Variants in ANKFN1 observed in about 807,000 individuals in gnomAD.
The protein encoded by ANKFN1 is ankyrin repeat and fibronectin type-III domain-containing protein 1.
A neutral mutation model predicts 108.7 loss-of-function variants in ANKFN1; 74 were observed. That is an observed-to-expected ratio of 0.68 (90% CI 0.56 to 0.83). The LOEUF (loss-of-function observed/expected upper bound fraction) is 0.83. ANKFN1 is among the 40% of genes least tolerant of loss of function. The probability of loss-of-function intolerance (pLI) is 0.00; values close to 1 mark genes in which losing one functional copy is unlikely to be tolerated. For synonymous variants in ANKFN1, 547 were observed against 516.2 expected (o/e 1.06, Z -0.81); for missense variants, 1,505 against 1,382.3 (o/e 1.09, Z -1.41).
chr17:56,317,146 CT>C (rs567343708), intron 3 of ANKFN1, among the ~76,000 whole-genome samples: 17 of 152,204 alleles, frequency 1.1e-4, no homozygotes, highest in Admixed American at 1.1e-3. Context: ...GTTAAGTGCT[CT>C]ATGGCTTCTT....
intron 3 of ANKFN1, 60 bp downstream of exon 3, chr17:56,228,017 C>T: frequency 1.4e-6 from 2 of 1,447,372 alleles, no homozygotes; most frequent in Non-Finnish European, 1.9e-6. Flanking sequence ...CTAAAGCCTC[C>T]TAATCTTTAA....
At chr17:56,179,835 G>A (rs1033467640) in intron 1 of ANKFN1, among the ~76,000 whole-genome samples, 2 of 152,180 alleles carry the variant, frequency 1.3e-5, no homozygotes, top group African/African-American at 2.4e-5. Flanking sequence ...GCCTAATAAA[G>A]CATTCCTTCC....
intron 9 of ANKFN1, among the ~76,000 whole-genome samples, chr17:56,441,777 T>C (rs1018390966): frequency 6.6e-6 from 1 of 152,332 alleles, no homozygotes; most frequent in African/African-American, 2.4e-5. Context: ...GGAGTAGATT[T>C]ATACTTTACA....
intron 8 of ANKFN1, among the ~76,000 whole-genome samples, chr17:56,394,579 C>A (rs2047525832): frequency 6.6e-6 from 1 of 152,146 alleles, no homozygotes; most frequent in South Asian, 2.1e-4. Flanking sequence ...GCCATCCCCA[C>A]CATCCCTACC....
At chr17:56,152,262 A>ATGTGTGTGTGTG (rs200366444), upstream of ANKFN1, among the ~76,000 whole-genome samples, 49 of 77,828 alleles carry the variant, frequency 6.3e-4, 1 homozygote, top group Middle Eastern at 7.2e-3. Context: ...ATATATATAT[A>ATGTGTGTGTGTG]TGTGTGTGTG....
intron 3 of ANKFN1, chr17:56,323,231 T>C (rs11079218): frequency 0.15 from 22,047 of 151,112 alleles, 2,139 homozygotes; most frequent in East Asian, 0.41. Context: ...GGGGGAGGAG[T>C]AGAAGGAAAG....
rs577205756 is a variant in ANKFN1 at position 56,472,457 on chromosome 17, G to A, written c.1774-5031G>A. 3 of 152,266 alleles carry A rather than the reference G, an allele frequency of 2.0e-5. No individual in the cohort carries two copies. In the East Asian group the frequency reaches 5.8e-4, roughly 29 times the overall value. 9.4% of individuals were successfully genotyped at this position (152,266 alleles called of 1,614,324 possible). The stretch of plus-strand genomic sequence containing the variant: ...AGGATCTCTGATCAATGACGAGAAG[G>A]TGGATATACCCTTCCTAGTCACTGT... On this transcript the variant is annotated intron_variant, in intron 15 of 20. Coordinates refer to ENST00000682825, the MANE Select transcript of ANKFN1 (RefSeq NM_001370326.1).
At chr17:56,231,176 C>G (rs975955398) in intron 3 of ANKFN1, among the ~76,000 whole-genome samples, 1 of 152,078 alleles carries the variant, frequency 6.6e-6, no homozygotes, top group African/African-American at 2.4e-5. Context: ...CTGTATTCAA[C>G]AAGCCTAGAG....
intron 3 of ANKFN1, among the ~76,000 whole-genome samples, chr17:56,317,238 G>GTGTTT (rs1159706481): frequency 1.3e-5 from 2 of 152,058 alleles, no homozygotes; most frequent in Non-Finnish European, 2.9e-5. Context: ...AAAACTGAAG[G>GTGTTT]TGTTTTTAAA....
chr17:56,244,875 GA>G (rs1192485215), intron 3 of ANKFN1, among the ~76,000 whole-genome samples: 1 of 152,098 alleles, frequency 6.6e-6, no homozygotes, highest in Non-Finnish European at 1.5e-5. Context: ...GTATCACTCA[GA>G]TGGCCATTTT....
At chr17:56,275,158 A>T (rs1295441104) in intron 3 of ANKFN1, among the ~76,000 whole-genome samples, 2 of 152,168 alleles carry the variant, frequency 1.3e-5, no homozygotes, top group East Asian at 3.8e-4. Flanking sequence ...GGTTGCTTCC[A>T]ATTCCAGATC....
At chr17:56,344,300 C>G (rs934905300) in intron 4 of ANKFN1, among the ~76,000 whole-genome samples, 1 of 151,978 alleles carries the variant, frequency 6.6e-6, no homozygotes, top group African/African-American at 2.4e-5. Context: ...ACTGAAGTTG[C>G]TACTTGGTTA....
intron 4 of ANKFN1, among the ~76,000 whole-genome samples, chr17:56,135,357 A>G (rs1006693054): frequency 2.0e-5 from 3 of 152,168 alleles, no homozygotes; most frequent in Non-Finnish European, 4.4e-5. Context: ...GCCCCAAGTC[A>G]ATAGATCTGG....
chr17:56,167,261 GTATATATATATACA>G (rs1202222212), intron 1 of ANKFN1, among the ~76,000 whole-genome samples: 36 of 74,730 alleles, frequency 4.8e-4, no homozygotes, highest in Non-Finnish European at 8.7e-4. Flanking sequence ...GTATGTGTGT[GTATATATATATACA>G]TATATATATA....
At chr17:56,266,212 T>G (rs2043646823) in intron 3 of ANKFN1, among the ~76,000 whole-genome samples, 1 of 152,204 alleles carries the variant, frequency 6.6e-6, no homozygotes, top group Non-Finnish European at 1.5e-5. Flanking sequence ...AATTTCTTAT[T>G]TGGGGCCTCA....
chr17:56,310,919 A>C (rs145250134), intron 3 of ANKFN1, among the ~76,000 whole-genome samples: 1 of 151,764 alleles, frequency 6.6e-6, no homozygotes. Context: ...ACGTCTCCCC[A>C]TTTCCTCCCC....
intron 1 of ANKFN1, among the ~76,000 whole-genome samples, chr17:56,209,249 T>A (rs1032284882): frequency 6.6e-6 from 1 of 152,172 alleles, no homozygotes; most frequent in Non-Finnish European, 1.5e-5. Flanking sequence ...TTTACCCTAG[T>A]GCTCTTATCC....
At position 56,350,809 on chromosome 17, in the gene ANKFN1, C is replaced by T. The variant is rs892200206; in HGVS notation, c.232C>T (p.Leu78Phe). The T allele has an allele frequency of 5.6e-6, 9 of 1,613,792 alleles. No homozygotes were observed. The highest frequency in any genetic ancestry group is 7.6e-6 in the Non-Finnish European group (9 of 1,179,840). The change falls in exon 5 of 21, where the codon CTC (leucine) becomes TTC (phenylalanine). Residue 78 changes from leucine to phenylalanine, a missense_variant. Coordinates refer to ENST00000682825, the MANE Select transcript of ANKFN1 (RefSeq NM_001370326.1). Reference protein sequence around the residue: ...KMTQQMQNLHLCQSKKHSAPS... With the variant: ...KMTQQMQNLHFCQSKKHSAPS... The stretch of plus-strand genomic sequence containing the variant: ...GACGCAACAAATGCAAAATTTACAT[C>T]TCTGTCAGTCAAAAAAACATAGTGC...
At chr17:56,214,485 TA>T (rs935247983) in intron 2 of ANKFN1, among the ~76,000 whole-genome samples, 31 of 152,200 alleles carry the variant, frequency 2.0e-4, no homozygotes, top group African/African-American at 7.5e-4. Context: ...TTTCTTGTAT[TA>T]AAAAATGGGA....
Sources: allele counts gnomAD v4.1 joint callset (sites outside exome capture counted in the v4.1 genomes callset), GRCh38; gene constraint gnomAD v4.1.1; transcripts MANE v1.5; gene names NCBI Gene and HGNC (gene_info 2026-07-23, HGNC 2026-07-21).